Variants in CFTR observed in about 807,000 individuals in gnomAD.
CFTR encodes cystic fibrosis transmembrane conductance regulator.
A neutral mutation model predicts 171.6 loss-of-function variants in CFTR; 181 were observed. The observed-to-expected ratio is 1.05, with a 90% CI of 0.93 to 1.19. The LOEUF (loss-of-function observed/expected upper bound fraction) is 1.19. Among genes scored for constraint, CFTR ranks in the 50% most tolerant of loss-of-function variants. CFTR has a pLI of 0.00. For synonymous variants in CFTR, 583 were observed against 608.0 expected (o/e 0.96, Z 0.60); for missense variants, 1,968 against 1,734.7 (o/e 1.13, Z -2.39).
chr7:117,626,604 G>A (rs1792654950), intron 21 of CFTR, among the ~76,000 whole-genome samples: 1 of 151,988 alleles, frequency 6.6e-6, no homozygotes, highest in African/African-American at 2.4e-5. Flanking sequence ...TAGAAGTTGA[G>A]TGAATTCGGT....
chr7:117,496,170 A>T (rs1396254461), intron 1 of CFTR, among the ~76,000 whole-genome samples: 1 of 151,896 alleles, frequency 6.6e-6, no homozygotes, highest in Non-Finnish European at 1.5e-5. Flanking sequence ...TTTTTCAAAG[A>T]TTCATCCCTG....
intron 12 of CFTR, among the ~76,000 whole-genome samples, chr7:117,588,764 T>G (rs1791985284): frequency 6.6e-6 from 1 of 152,076 alleles, no homozygotes; most frequent in African/African-American, 2.4e-5. Flanking sequence ...ATAAGATAAT[T>G]GAGGCTGTTA....
intron 1 of CFTR, among the ~76,000 whole-genome samples, chr7:117,499,957 G>A (rs1212880109): frequency 6.6e-6 from 1 of 152,114 alleles, no homozygotes; most frequent in Non-Finnish European, 1.5e-5. Flanking sequence ...AGGTGAGAGG[G>A]GAAGACAGCA....
At chr7:117,578,160 T>C (rs538949827) in intron 11 of CFTR, among the ~76,000 whole-genome samples, 147 of 152,136 alleles carry the variant, frequency 9.7e-4, no homozygotes, top group Non-Finnish European at 7.9e-4. Context: ...ACAACACGGG[T>C]TTGAACTATG....
At chr7:117,537,972 C>G (rs138674278) in intron 7 of CFTR, among the ~76,000 whole-genome samples, 3 of 152,294 alleles carry the variant, frequency 2.0e-5, no homozygotes, top group Admixed American at 2.0e-4. Flanking sequence ...ATGATAAACT[C>G]ATGGCTGGGT....
intron 1 of CFTR, among the ~76,000 whole-genome samples, chr7:117,499,809 A>G (rs967717230): frequency 5.9e-5 from 9 of 151,932 alleles, no homozygotes; most frequent in Admixed American, 5.9e-4. Flanking sequence ...AAACAAACAA[A>G]CAAAGGACAA....
intron 1 of CFTR, among the ~76,000 whole-genome samples, chr7:117,484,352 TAGTC>T (rs1798040410): frequency 2.6e-5 from 4 of 152,374 alleles, no homozygotes; most frequent in Admixed American, 1.3e-4. Flanking sequence ...TGACTCCATT[TAGTC>T]AGTCCATGGG....
At chr7:117,587,899 G>T in intron 12 of CFTR, 66 bp downstream of exon 12, 1 of 992,350 alleles carries the variant, frequency 1.0e-6, no homozygotes, top group South Asian at 1.3e-5. Context: ...AAAAATTACA[G>T]ACATTTCTCT....
intron 11 of CFTR, among the ~76,000 whole-genome samples, chr7:117,582,276 G>C (rs1791859889): frequency 6.6e-6 from 1 of 151,972 alleles, no homozygotes. Context: ...GACAGACCAG[G>C]GTTCAAATTC....
chr7:117,523,534 G>A (rs1051553492), intron 3 of CFTR, among the ~76,000 whole-genome samples: 12 of 151,852 alleles, frequency 7.9e-5, no homozygotes, highest in Middle Eastern at 3.2e-3. Context: ...CCGCCTCCAC[G>A]CCCAGCTAAA....
chr7:117,615,668 C>G lies in CFTR; in HGVS notation c.3468+955C>G, dbSNP rs569916951. 4.0e-5 allele frequency among the ~76,000 whole-genome samples: 6 copies of G among 151,722 alleles called. No individual in the cohort carries two copies. In the South Asian group the frequency reaches 1.3e-3, roughly 32 times the overall value. On this transcript the variant is annotated intron_variant, in intron 21 of 26. Transcript: ENST00000003084. The stretch of plus-strand genomic sequence containing the variant: ...GTTTTGGTTTTCTAGAATGCAGAGC[C>G]ATTAATATTATAGTAATGCTTATGT...
At chr7:117,549,668 C>T (rs979556951) in intron 10 of CFTR, among the ~76,000 whole-genome samples, 3 of 152,124 alleles carry the variant, frequency 2.0e-5, no homozygotes, top group Admixed American at 6.5e-5. Context: ...GTTCCTTGTT[C>T]CCATTTGATT....
intron 22 of CFTR, 102 bp from the exon 23 acceptor site, chr7:117,642,336 A>G: frequency 8.5e-7 from 1 of 1,173,620 alleles, no homozygotes; most frequent in South Asian, 1.2e-5. Context: ...TGGTGACAGG[A>G]TAAAATATTC....
intron 20 of CFTR, among the ~76,000 whole-genome samples, chr7:117,612,052 T>TACATATATATATATATATATC (rs1562915199): frequency 2.8e-5 from 2 of 70,892 alleles, no homozygotes; most frequent in African/African-American, 1.4e-4. Flanking sequence ...TATATATATA[T>TACATATATATATATATATATC]ACATATATAT....
intron 12 of CFTR, among the ~76,000 whole-genome samples, chr7:117,589,379 T>G (rs542592155): frequency 1.3e-5 from 2 of 152,124 alleles, no homozygotes; most frequent in East Asian, 3.9e-4. Flanking sequence ...CTTTAAAAAT[T>G]TCTTAATTGT....
At chr7:117,524,989 G>A (rs554597159) in intron 3 of CFTR, among the ~76,000 whole-genome samples, 71 of 152,266 alleles carry the variant, frequency 4.7e-4, no homozygotes, top group African/African-American at 1.6e-3. Context: ...TGTAATAGAA[G>A]TACAAAACAT....
intron 21 of CFTR, among the ~76,000 whole-genome samples, chr7:117,615,082 G>A (rs935328556): frequency 6.6e-6 from 1 of 152,220 alleles, no homozygotes; most frequent in Non-Finnish European, 1.5e-5. Flanking sequence ...GAGAGTACAA[G>A]AATTCTCATA....
chr7:117,648,126 C>G lies in CFTR; in HGVS notation c.3874-4716C>G, dbSNP rs35239381. Among the ~76,000 whole-genome samples, 1,466 of 147,954 alleles carry G rather than the reference C, an allele frequency of 9.9e-3. 26 individuals are homozygous for G. Among genetic ancestry groups the G allele is most frequent in the African/African-American group, 0.034 (1,385 of 40,268 alleles). On this transcript the variant is annotated intron_variant, in intron 23 of 26. Transcript: ENST00000003084. ...GTATATGTATGTACACATTATTTAC[C>G]TACCTACTGTGTGAGTGTGTGCATA...
chr7:117,553,789 A>G (rs1257894941), intron 10 of CFTR, among the ~76,000 whole-genome samples: 2 of 152,200 alleles, frequency 1.3e-5, no homozygotes, highest in Admixed American at 1.3e-4. Context: ...CTCATCAAAA[A>G]TAAAAATATA....
Sources: allele counts gnomAD v4.1 joint callset (sites outside exome capture counted in the v4.1 genomes callset), GRCh38; gene constraint gnomAD v4.1.1; transcripts MANE v1.5; gene names NCBI Gene and HGNC (gene_info 2026-07-23, HGNC 2026-07-21).